Variants in FABP7 observed in about 807,000 individuals in gnomAD.
FABP7 encodes the protein fatty acid-binding protein, brain.
In FABP7, 13 loss-of-function variants were observed where a neutral mutation model predicts 14.2. The ratio of observed to expected loss-of-function variants is 0.91; its 90% CI spans 0.59 to 1.45. The LOEUF is 1.45. FABP7 is among the 40% of genes most tolerant of loss of function. The probability of loss-of-function intolerance (pLI) is 0.00; values close to 1 mark genes in which losing one functional copy is unlikely to be tolerated. For synonymous variants in FABP7, 49 were observed against 51.4 expected (o/e 0.95, Z 0.20); for missense variants, 149 against 157.6 (o/e 0.95, Z 0.29).
At chr6:122,758,262 C>A in the FABP7 span, among the ~76,000 whole-genome samples, 1 of 152,050 alleles carries the variant, frequency 6.6e-6, no homozygotes, top group African/African-American at 2.4e-5. Context: ...CATGTGTCAC[C>A]ACATCTGGTT....
At chr6:122,778,237 G>T (rs1400313953), upstream of FABP7, among the ~76,000 whole-genome samples, 1 of 152,148 alleles carries the variant, frequency 6.6e-6, no homozygotes, top group South Asian at 2.1e-4. Flanking sequence ...GATAGGCCTT[G>T]ACATTAAGTT....
At chr6:122,762,293 A>G in the FABP7 span, among the ~76,000 whole-genome samples, 2 of 152,300 alleles carry the variant, frequency 1.3e-5, no homozygotes, top group Middle Eastern at 3.4e-3. Flanking sequence ...CAAAAACTAC[A>G]TGATTATCTC....
chr6:122,753,789 C>CA, the FABP7 span, among the ~76,000 whole-genome samples: 1 of 91,416 alleles, frequency 1.1e-5, no homozygotes, highest in Non-Finnish European at 2.2e-5. Context: ...ATCCCGCCCC[C>CA]CCCCCGCCCA....
chr6:122,782,559 C>T (rs1246237889), intron 3 of FABP7: 1 of 985,098 alleles, frequency 1.0e-6, no homozygotes, highest in African/African-American at 1.7e-5. Context: ...ATTATGCCTT[C>T]ACCAAGCCTT....
the FABP7 span, among the ~76,000 whole-genome samples, chr6:122,768,105 C>A: frequency 6.6e-6 from 1 of 152,040 alleles, no homozygotes; most frequent in Non-Finnish European, 1.5e-5. Context: ...GACCATTAAA[C>A]ATATGAAAAT....
chr6:122,780,302 G>A lies in FABP7; in HGVS notation c.85G>A (p.Ala29Thr). The A allele has an allele frequency of 6.2e-7, 1 of 1,614,052 alleles. No homozygotes were observed. Among genetic ancestry groups the A allele is most frequent in the Non-Finnish European group, 8.5e-7 (1 of 1,180,014 alleles). ...EYMKALGVGF[A>T]TRQVGNVTKP... ...CTTTGCTATTTTAGGCGTGGGCTTTGCCACTAGGCAGGTGGGAAATGTGAC... is the reference window on the plus strand; with the variant it reads ...CTTTGCTATTTTAGGCGTGGGCTTTACCACTAGGCAGGTGGGAAATGTGAC... The change falls in exon 2 of 4, where the codon GCC becomes ACC. Residue 29 changes from alanine (A) to threonine (T), a missense_variant. Transcript: ENST00000368444.
upstream of FABP7, among the ~76,000 whole-genome samples, chr6:122,778,823 G>A (rs1780716259): frequency 6.6e-6 from 1 of 152,130 alleles, no homozygotes; most frequent in African/African-American, 2.4e-5. Context: ...TGTAGATGTG[G>A]CCTCAGGAAA....
At chr6:122,759,286 T>C in the FABP7 span, among the ~76,000 whole-genome samples, 1 of 152,190 alleles carries the variant, frequency 6.6e-6, no homozygotes, top group Non-Finnish European at 1.5e-5. Flanking sequence ...CCATAGGGTG[T>C]GTGTCAGCTA....
chr6:122,765,283 G>A, the FABP7 span, among the ~76,000 whole-genome samples: 29 of 151,862 alleles, frequency 1.9e-4, no homozygotes, highest in Non-Finnish European at 2.9e-4. Flanking sequence ...AATTATATTT[G>A]ATTCAAAATA....
chr6:122,750,872 C>T, the FABP7 span, among the ~76,000 whole-genome samples: 3 of 152,320 alleles, frequency 2.0e-5, no homozygotes, highest in Admixed American at 1.3e-4. Flanking sequence ...CTGAAAAGTT[C>T]GGATTTTGAA....
At chr6:122,776,132 T>G (rs531327484), upstream of FABP7, among the ~76,000 whole-genome samples, 1 of 152,172 alleles carries the variant, frequency 6.6e-6, no homozygotes, top group African/African-American at 2.4e-5. Flanking sequence ...TCAAAAAACT[T>G]AAAATAGAAC....
upstream of FABP7, among the ~76,000 whole-genome samples, chr6:122,775,735 A>G (rs1327378434): frequency 6.6e-6 from 1 of 152,092 alleles, no homozygotes; most frequent in African/African-American, 2.4e-5. Context: ...TACTAAACAA[A>G]GCGGAGAGAA....
At chr6:122,781,451 G>A in intron 3 of FABP7, 1 of 1,400,950 alleles carries the variant, frequency 7.1e-7, no homozygotes, top group Non-Finnish European at 9.3e-7. Flanking sequence ...AATAAAAGTT[G>A]CCATTGATTT....
chr6:122,749,236 C>G, the FABP7 span, among the ~76,000 whole-genome samples: 1 of 152,014 alleles, frequency 6.6e-6, no homozygotes, highest in Non-Finnish European at 1.5e-5. Flanking sequence ...GGGTATAAGA[C>G]AATATGAGGG....
the FABP7 span, among the ~76,000 whole-genome samples, chr6:122,769,821 C>T: frequency 1.3e-5 from 2 of 151,850 alleles, no homozygotes; most frequent in African/African-American, 4.8e-5. Context: ...TGGTTTCAAC[C>T]GATCTGGTCA....
At chr6:122,767,819 A>G in the FABP7 span, among the ~76,000 whole-genome samples, 1 of 151,854 alleles carries the variant, frequency 6.6e-6, no homozygotes, top group East Asian at 1.9e-4. Context: ...ATAAGTGAAT[A>G]TCTTTTGGAC....
upstream of FABP7, among the ~76,000 whole-genome samples, chr6:122,777,002 C>G (rs549383003): frequency 6.6e-6 from 1 of 152,072 alleles, no homozygotes; most frequent in Non-Finnish European, 1.5e-5. Flanking sequence ...ATATGCTCTA[C>G]GAATAAATAT....
chr6:122,783,690 G>A, intron 3 of FABP7, 27 bp from the exon 4 acceptor site: 1 of 1,576,588 alleles, frequency 6.3e-7, no homozygotes, highest in Non-Finnish European at 8.6e-7. Context: ...TGTATAAAAA[G>A]ATTTGATTAT....
the FABP7 span, among the ~76,000 whole-genome samples, chr6:122,770,204 T>C: frequency 2.6e-5 from 4 of 152,182 alleles, no homozygotes; most frequent in African/African-American, 9.6e-5. Context: ...TCCTCAGGCA[T>C]GTTCCCATAA....
Sources: allele counts gnomAD v4.1 joint callset (sites outside exome capture counted in the v4.1 genomes callset), GRCh38; gene constraint gnomAD v4.1.1; transcripts MANE v1.5; gene names NCBI Gene and HGNC (gene_info 2026-07-23, HGNC 2026-07-21).